Variants in SMAD2 observed in about 807,000 individuals in gnomAD.
SMAD2 encodes the protein MAD homolog 2.
A neutral mutation model predicts 64.4 loss-of-function variants in SMAD2; 8 were observed. The ratio of observed to expected loss-of-function variants is 0.12; its 90% CI spans 0.07 to 0.22. The LOEUF is 0.22. SMAD2 is among the 10% of genes least tolerant of loss of function. The pLI is 1.00. For missense variants in SMAD2, 289 were observed against 561.2 expected (o/e 0.51, Z 4.90); for synonymous variants, 203 against 195.8 (o/e 1.04, Z -0.31).
chr18:47,829,632 G>T lies in SMAD2; in HGVS notation c.*12195C>A, dbSNP rs1439074915. 2.1e-3 allele frequency: 1 copy of T among 474 alleles called. No individual in the cohort carries two copies. The highest frequency in any genetic ancestry group is 8.9e-3 in the Non-Finnish European group (1 of 112). The allele number at this position is 474 out of a possible 1,614,324, so 0.0% of individuals were successfully genotyped here. On this transcript the variant is annotated 3_prime_UTR_variant, in exon 11 of 11. Coordinates refer to ENST00000262160, the MANE Select transcript of SMAD2 (RefSeq NM_005901.6). ...GGGTTTATTTAATTATAGGGGGGTT[G>T]GGGTAGAGAGATTAAAAACGGGAAG...
chr18:47,902,831 G>A (rs1056412042), intron 1 of SMAD2, among the ~76,000 whole-genome samples: 1 of 152,134 alleles, frequency 6.6e-6, no homozygotes, highest in Non-Finnish European at 1.5e-5. Flanking sequence ...TGCATGGATG[G>A]TCTCTTTCCT....
In SMAD2 at chr18:47,839,715, G is replaced by A. The variant is rs1056670873; in HGVS notation, c.*2112C>T. On this transcript the variant is annotated 3_prime_UTR_variant, in exon 11 of 11. Transcript: ENST00000262160. ...TGATCTTCAAGTTTGGATTTGTATA[G>A]AGGTTTCTGTATAAAGCATTAATAC... 3.0e-5 allele frequency: 7 copies of A among 233,256 alleles called. No individual in the cohort carries two copies. The highest frequency in any genetic ancestry group is 5.6e-5 in the Admixed American group (1 of 17,784). The allele number at this position is 233,256 out of a possible 1,614,324, so 14.4% of individuals were successfully genotyped here.
At chr18:47,879,590 C>T (rs1209026485) in intron 2 of SMAD2, among the ~76,000 whole-genome samples, 1 of 149,598 alleles carries the variant, frequency 6.7e-6, no homozygotes, top group Admixed American at 6.7e-5. Flanking sequence ...CTGATAGACA[C>T]CTGACCTGTT....
intron 1 of SMAD2, among the ~76,000 whole-genome samples, chr18:47,911,457 T>C (rs933634490): frequency 5.3e-5 from 8 of 152,036 alleles, no homozygotes; most frequent in African/African-American, 2.4e-5. Flanking sequence ...TTCAGGAGAC[T>C]GGCCCCAAGG....
At chr18:47,857,736 A>G (rs1156728285) in intron 6 of SMAD2, among the ~76,000 whole-genome samples, 2 of 152,228 alleles carry the variant, frequency 1.3e-5, no homozygotes, top group East Asian at 3.9e-4. Flanking sequence ...GGAGAAGCCA[A>G]CTAAAATTTC....
rs1914395206 is a variant in SMAD2 at position 47,845,341 on chromosome 18, G to A, written c.1279C>T (p.Arg427Ter). 6.2e-7 allele frequency: 1 copy of A among 1,612,902 alleles called. No homozygotes were observed. Among genetic ancestry groups the A allele is most frequent in the Non-Finnish European group, 8.5e-7 (1 of 1,179,138 alleles). ...SFVKGWGAEY[R>*]RQTVTSTPCW... The stretch of plus-strand genomic sequence containing the variant: ...AAGAACCAAATATGTATTTCATACC[G>A]GTATTCTGCTCCCCACCCTTTCACA... The change falls in exon 10 of 11, where the codon CGA becomes TGA. Residue 427 changes from arginine (R) to a stop codon, truncating the protein, a stop_gained and splice_region_variant. Transcript: ENST00000262160. LOFTEE classifies it high-confidence loss of function.
chr18:47,881,220 G>T (rs1025912470), intron 2 of SMAD2, among the ~76,000 whole-genome samples: 1 of 152,098 alleles, frequency 6.6e-6, no homozygotes. Context: ...TGTCAGTCTG[G>T]TAAGAGCATA....
intron 2 of SMAD2, among the ~76,000 whole-genome samples, chr18:47,881,110 T>G (rs1419295561): frequency 6.6e-6 from 1 of 152,236 alleles, no homozygotes; most frequent in Non-Finnish European, 1.5e-5. Flanking sequence ...GCCATTTCCT[T>G]CTTCCGAGTG....
chr18:47,892,479 C>T (rs749949762), intron 2 of SMAD2, among the ~76,000 whole-genome samples: 4 of 152,184 alleles, frequency 2.6e-5, no homozygotes, highest in Non-Finnish European at 5.9e-5. Flanking sequence ...GGATTACAGG[C>T]GTGAGCCACC....
In SMAD2 at chr18:47,833,436, T is replaced by C. The variant is rs1913108699; in HGVS notation, c.*8391A>G. On this transcript the variant is annotated 3_prime_UTR_variant, in exon 11 of 11. Coordinates refer to ENST00000262160, the MANE Select transcript of SMAD2 (RefSeq NM_005901.6). ...TAAAAAAGGAACCACATCGTACTTT[T>C]GACAATCATAGAACGAAAGCTCACA... 2 of 227,702 alleles carry C rather than the reference T, an allele frequency of 8.8e-6. No homozygotes were observed. Among genetic ancestry groups the C allele is most frequent in the Non-Finnish European group, 1.7e-5 (2 of 114,380 alleles). 14.1% of individuals were successfully genotyped at this position (227,702 alleles called of 1,614,324 possible).
rs1245177305 is a variant in SMAD2 at position 47,824,858 on chromosome 18, A to G, written c.*16969T>C. ...CAAAAAACTTTGTTTTCATATGCCCATTATGGCTTGCTGACTGGCTTACTG... is the reference window on the plus strand; with the variant it reads ...CAAAAAACTTTGTTTTCATATGCCCGTTATGGCTTGCTGACTGGCTTACTG... On this transcript the variant is annotated 3_prime_UTR_variant, in exon 11 of 11. Transcript: ENST00000262160. The G allele has an allele frequency of 6.6e-6, 1 of 152,244 alleles. No homozygotes were observed. The highest frequency in any genetic ancestry group is 1.5e-5 in the Non-Finnish European group (1 of 68,034). The allele number at this position is 152,244 out of a possible 1,614,324, so 9.4% of individuals were successfully genotyped here. A position where few individuals can be genotyped will look rare whatever the true frequency, so the allele number is the denominator to read the frequency against.
intron 10 of SMAD2, 52 bp downstream of exon 10, chr18:47,845,288 A>G: frequency 6.6e-7 from 1 of 1,512,494 alleles, no homozygotes; most frequent in South Asian, 1.1e-5. Flanking sequence ...CAAGAATGCA[A>G]TGAAACATAA....
chr18:47,879,917 T>C (rs932410701), intron 2 of SMAD2, among the ~76,000 whole-genome samples: 1 of 152,214 alleles, frequency 6.6e-6, no homozygotes. Context: ...TGGTTTCAAT[T>C]GTCATTTTCC....
chr18:47,897,370 G>C (rs1049731127), intron 1 of SMAD2, among the ~76,000 whole-genome samples: 1 of 75,974 alleles, frequency 1.3e-5, no homozygotes, highest in Non-Finnish European at 3.2e-5. Context: ...CTGCTCTTGA[G>C]AGAAATTTTT....
Position 47,818,916 on chromosome 18 carries a change from G to A in SMAD2, c.*22911C>T, listed in dbSNP as rs1266323798. ...TCCAATAACTGTCTTTTATAAACCA[G>A]CAAGCCTGTATTACTATCGTATGAC... On this transcript the variant is annotated 3_prime_UTR_variant, in exon 11 of 11. Transcript: ENST00000262160. The A allele has an allele frequency of 1.3e-5, 2 of 152,176 alleles. No individual in the cohort carries two copies. The highest frequency in any genetic ancestry group is 2.9e-5 in the Non-Finnish European group (2 of 68,042). 9.4% of individuals were successfully genotyped at this position (152,176 alleles called of 1,614,324 possible).
In SMAD2 at chr18:47,880,881, G is replaced by C. The variant is rs367597155; in HGVS notation, c.237-10317C>G. ...TGTACTGTCTACCGTACACATGTGG[G>C]ATCAGCAGGTGATTTTGGCAAAGTT... On this transcript the variant is annotated intron_variant, in intron 2 of 10. Transcript: ENST00000262160. 2.5e-4 allele frequency among the ~76,000 whole-genome samples: 38 copies of C among 152,286 alleles called. 1 individual carries two copies. The South Asian group carries it at 7.9e-3, about 32-fold the overall frequency.
chr18:47,857,463 T>A (rs750608428), intron 6 of SMAD2, among the ~76,000 whole-genome samples: 6 of 152,224 alleles, frequency 3.9e-5, no homozygotes, highest in African/African-American at 7.2e-5. Context: ...TAGAAACTCC[T>A]ACAGAGTTCC....
rs926239860 is a variant in SMAD2 at position 47,819,904 on chromosome 18, G to A, written c.*21923C>T. On this transcript the variant is annotated 3_prime_UTR_variant, in exon 11 of 11. Coordinates refer to ENST00000262160, the MANE Select transcript of SMAD2 (RefSeq NM_005901.6). ...TATAGTTCCAGCTACTCAGGAAACGGAGGCAGGAGGATTGTGTGAGTTGGA... is the reference window on the plus strand; with the variant it reads ...TATAGTTCCAGCTACTCAGGAAACGAAGGCAGGAGGATTGTGTGAGTTGGA... The A allele has an allele frequency of 6.6e-6, 1 of 152,086 alleles. No homozygotes were observed. The highest frequency in any genetic ancestry group is 1.5e-5 in the Non-Finnish European group (1 of 68,054). The allele number at this position is 152,086 out of a possible 1,614,324, so 9.4% of individuals were successfully genotyped here.
intron 6 of SMAD2, among the ~76,000 whole-genome samples, chr18:47,860,126 C>A (rs945898616): frequency 2.0e-5 from 3 of 152,026 alleles, no homozygotes; most frequent in African/African-American, 7.2e-5. Context: ...GAAGTGAGAT[C>A]CTGTCTCAAT....
Sources: gnomAD v4.1 joint callset for allele counts (sites outside exome capture counted in the v4.1 genomes callset) on GRCh38, gnomAD v4.1.1 for gene constraint, MANE v1.5 for transcripts, NCBI Gene and HGNC (gene_info 2026-07-23, HGNC 2026-07-21) for gene names.